The following RB1 variants were observed in gnomAD, a reference collection of about 807,000 sequenced individuals.
The protein encoded by RB1 is retinoblastoma-associated protein.
A neutral mutation model predicts 135.4 loss-of-function variants in RB1; 18 were observed. That is an observed-to-expected ratio of 0.13 (90% CI 0.09 to 0.20). The LOEUF (loss-of-function observed/expected upper bound fraction) is 0.20. RB1 is among the 10% of genes least tolerant of loss of function. The pLI is 1.00. For synonymous variants in RB1, 365 were observed against 373.2 expected (o/e 0.98, Z 0.25); for missense variants, 868 against 1,110.0 (o/e 0.78, Z 3.10).
chr13:48,339,261 GCC>G (rs920397275), intron 2 of RB1, among the ~76,000 whole-genome samples: 65 of 152,196 alleles, frequency 4.3e-4, no homozygotes, highest in Non-Finnish European at 5.9e-4. Context: ...GCTATGCCCT[GCC>G]CCCAGAGGTG....
chr13:48,389,982 G>A (rs1382552380), intron 17 of RB1, among the ~76,000 whole-genome samples: 1 of 152,092 alleles, frequency 6.6e-6, no homozygotes, highest in Non-Finnish European at 1.5e-5. Flanking sequence ...GGGAGACCCT[G>A]TCTCTACAGA....
At chr13:48,414,426 AT>A (rs1320981852) in intron 17 of RB1, among the ~76,000 whole-genome samples, 3 of 152,050 alleles carry the variant, frequency 2.0e-5, no homozygotes, top group Non-Finnish European at 4.4e-5. Flanking sequence ...GGGTACTTAA[AT>A]GTAGGTGTTA....
chr13:48,305,070 T>C (rs182594194), intron 1 of RB1, among the ~76,000 whole-genome samples: 13 of 152,336 alleles, frequency 8.5e-5, no homozygotes, highest in Admixed American at 5.2e-4. Context: ...ATAGCTATGA[T>C]TGAAAGAGTG....
chr13:48,417,157 G>C (rs773427566), intron 17 of RB1: 8 of 152,434 alleles, frequency 5.2e-5, no homozygotes, highest in Non-Finnish European at 1.0e-4. Context: ...GGAATCGACA[G>C]ACAACTCACA....
intron 17 of RB1, among the ~76,000 whole-genome samples, chr13:48,395,984 A>G (rs926024155): frequency 6.6e-6 from 1 of 152,188 alleles, no homozygotes; most frequent in African/African-American, 2.4e-5. Context: ...GCCACTGCTC[A>G]AGGAAATAAG....
chr13:48,405,683 C>T (rs970293828), intron 17 of RB1, among the ~76,000 whole-genome samples: 1 of 152,128 alleles, frequency 6.6e-6, no homozygotes, highest in Non-Finnish European at 1.5e-5. Flanking sequence ...TTTGTCAATA[C>T]CCAATATAAA....
intron 13 of RB1, 57 bp from the exon 14 acceptor site, chr13:48,379,537 C>A (rs2138140469): frequency 6.5e-7 from 1 of 1,527,678 alleles, no homozygotes; most frequent in South Asian, 1.2e-5. Flanking sequence ...AAAAAAATTT[C>A]ATAATTGTGA....
At chr13:48,471,467 A>G (rs1334619707) in intron 23 of RB1, among the ~76,000 whole-genome samples, 4 of 124,072 alleles carry the variant, frequency 3.2e-5, no homozygotes, top group East Asian at 2.4e-4. Context: ...GCTAGATGAC[A>G]CGTTAGTGGG....
In RB1 at chr13:48,453,017, AAAC is replaced by A; in HGVS notation, c.1723_1725del (p.Gln575del). 1 of 1,613,022 alleles carries A rather than the reference AAAC, an allele frequency of 6.2e-7. No homozygotes were observed. The highest frequency in any genetic ancestry group is 8.5e-7 in the Non-Finnish European group (1 of 1,179,570). ...GGATTCACCTTTATTTGATCTTATT[AAAC>A]AATCAAAGGACCGAGAAGGACCAAC... On this transcript the variant is annotated inframe_deletion, in exon 18 of 27. Transcript: ENST00000267163.
At chr13:48,450,515 G>T (rs766646380) in intron 17 of RB1, among the ~76,000 whole-genome samples, 1 of 152,112 alleles carries the variant, frequency 6.6e-6, no homozygotes, top group Non-Finnish European at 1.5e-5. Context: ...TGTTCCATTC[G>T]TCTGTGTGTC....
At chr13:48,304,126 C>T (rs987114647) in intron 1 of RB1, 77 bp downstream of exon 1, 3 of 1,310,076 alleles carry the variant, frequency 2.3e-6, no homozygotes, top group South Asian at 2.1e-5. Flanking sequence ...CAAGGCGGCT[C>T]GGCGGGGATC....
intron 2 of RB1, among the ~76,000 whole-genome samples, chr13:48,335,751 C>T (rs1331802581): frequency 6.6e-6 from 1 of 151,938 alleles, no homozygotes; most frequent in African/African-American, 2.4e-5. Context: ...GAGTCCTTTT[C>T]ATAATTTTCA....
intron 17 of RB1, among the ~76,000 whole-genome samples, chr13:48,451,586 T>C (rs1180623684): frequency 6.6e-6 from 1 of 152,130 alleles, no homozygotes; most frequent in Admixed American, 6.5e-5. Flanking sequence ...TTTTCTTTTT[T>C]TGTTGTATCT....
intron 17 of RB1, chr13:48,408,529 A>G (rs2060356718): frequency 6.6e-6 from 1 of 152,114 alleles, no homozygotes; most frequent in African/African-American, 2.4e-5. Flanking sequence ...ATTTTCAGGT[A>G]ATCAAAAGTA....
chr13:48,475,121 T>C (rs1949496234), intron 24 of RB1, among the ~76,000 whole-genome samples: 1 of 152,136 alleles, frequency 6.6e-6, no homozygotes, highest in South Asian at 2.1e-4. Context: ...ATACCCCGTC[T>C]CAGCCTCCCA....
At chr13:48,330,315 A>T (rs1952321724) in intron 2 of RB1, among the ~76,000 whole-genome samples, 1 of 152,104 alleles carries the variant, frequency 6.6e-6, no homozygotes, top group South Asian at 2.1e-4. Context: ...AAGGAGGGGG[A>T]TAAGAAAGAT....
rs11405303 is a variant in RB1 at position 48,459,886 on chromosome 13, A to ATTTCTTTCTTCCT, written c.2106+55_2106+56insTCTTTCTTCCTTT. ...CTCCTCCCTACTTACTTGTTAACTG[A>ATTTCTTTCTTCCT]TTCTTTCTTTCTTTCTTTCTTTCTT... On this transcript the variant is annotated intron_variant, in intron 20 of 26. Coordinates refer to ENST00000267163, the MANE Select transcript of RB1 (RefSeq NM_000321.3). The ATTTCTTTCTTCCT allele has an allele frequency of 4.0e-6, 4 of 1,007,104 alleles. No homozygotes were observed. The South Asian group carries it at 6.3e-5, about 16-fold the overall frequency. The allele number at this position is 1,007,104 out of a possible 1,614,324, so 62.4% of individuals were successfully genotyped here.
Position 48,327,986 on chromosome 13 carries a change from G to A in RB1, c.265-14613G>A, listed in dbSNP as rs189034870. On this transcript the variant is annotated intron_variant, in intron 2 of 26. Transcript: ENST00000267163. Reference sequence around the variant, plus strand: ...TAAAAAGATGAAAAAGAAAAAAAAAGTGGCTCCAAAGGTAGTCTTATACCA... The same window carrying A: ...TAAAAAGATGAAAAAGAAAAAAAAAATGGCTCCAAAGGTAGTCTTATACCA... 2,016 of 560,492 alleles carry A rather than the reference G, an allele frequency of 3.6e-3. 38 individuals are homozygous for A. Among genetic ancestry groups the A allele is most frequent in the African/African-American group, 0.035 (1,811 of 51,754 alleles). The allele number at this position is 560,492 out of a possible 1,614,324, so 34.7% of individuals were successfully genotyped here.
chr13:48,418,849 A>T (rs1157787226), intron 17 of RB1, among the ~76,000 whole-genome samples: 1 of 152,212 alleles, frequency 6.6e-6, no homozygotes, highest in Non-Finnish European at 1.5e-5. Context: ...TATCCTAAGT[A>T]TGTATGCACC....
Sources: allele counts gnomAD v4.1 joint callset (sites outside exome capture counted in the v4.1 genomes callset), GRCh38; gene constraint gnomAD v4.1.1; transcripts MANE v1.5; gene names NCBI Gene and HGNC (gene_info 2026-07-23, HGNC 2026-07-21).